Variants in RAB3GAP2 observed in about 807,000 individuals in gnomAD.
RAB3GAP2 encodes RAB3 GTPase activating non-catalytic protein subunit 2, also known as rab3 GTPase-activating protein non-catalytic subunit.
In RAB3GAP2, 87 loss-of-function variants were observed where a neutral mutation model predicts 185.3. That is an observed-to-expected ratio of 0.47 (90% CI 0.39 to 0.56). The LOEUF (loss-of-function observed/expected upper bound fraction) is 0.56, where lower values mean the gene tolerates loss of function less well. Ranked by LOEUF, RAB3GAP2 falls within the 20% of genes least tolerant of loss-of-function variation. The pLI, the probability that RAB3GAP2 is intolerant of heterozygous loss-of-function variation, is 0.00. For missense variants in RAB3GAP2, 1,492 were observed against 1,638.2 expected, an observed-to-expected ratio of 0.91 and a Z score of 1.54; for synonymous variants, 554 against 576.1, an observed-to-expected ratio of 0.96 and a Z score of 0.55.
Position 220,210,280 on chromosome 1 carries a change from C to T in RAB3GAP2, c.612+108G>A. The stretch of plus-strand genomic sequence containing the variant: ...AGACTATGATAGCAGAGCTAACTAA[C>T]TGTGCCACAAGACAAAGATCTCTTT... On this transcript the variant is annotated intron_variant, in intron 7 of 34. Transcript: ENST00000358951. The T allele has an allele frequency of 3.6e-6, 3 of 836,026 alleles. No homozygotes were observed. The Admixed American group carries it at 5.1e-5, about 14-fold the overall frequency. The allele number at this position is 836,026 out of a possible 1,614,324, so 51.8% of individuals were successfully genotyped here.
chr1:220,193,900 C>T (rs1166823967), intron 12 of RAB3GAP2, among the ~76,000 whole-genome samples: 1 of 152,036 alleles, frequency 6.6e-6, no homozygotes, highest in African/African-American at 2.4e-5. Flanking sequence ...TAAAGAAGTA[C>T]TAAAAGAGAA....
At position 220,150,001 on chromosome 1, in the gene RAB3GAP2, T is replaced by A. The variant is rs1399453033; in HGVS notation, c.*1250A>T. The A allele has an allele frequency of 1.3e-5, 2 of 152,120 alleles. No homozygotes were observed. Among genetic ancestry groups the A allele is most frequent in the African/African-American group, 2.4e-5 (1 of 41,418 alleles). 9.4% of individuals were successfully genotyped at this position (152,120 alleles called of 1,614,324 possible). ...AATTGTGATCCATGACAGATACCCA[T>A]AATTACACTGTATGGCTACATTCTA... On this transcript the variant is annotated 3_prime_UTR_variant, in exon 35 of 35. Coordinates refer to ENST00000358951, the MANE Select transcript of RAB3GAP2 (RefSeq NM_012414.4).
chr1:220,221,968 C>T (rs549485950), intron 2 of RAB3GAP2, among the ~76,000 whole-genome samples: 21 of 152,282 alleles, frequency 1.4e-4, no homozygotes, highest in South Asian at 8.3e-4. Context: ...CCATCATTTG[C>T]AATTTATGTT....
At chr1:220,185,563 T>A in intron 18 of RAB3GAP2, 88 bp downstream of exon 18, 2 of 898,510 alleles carry the variant, frequency 2.2e-6, no homozygotes, top group Non-Finnish European at 3.7e-6. Flanking sequence ...AGTAACATGA[T>A]GGTATCACAA....
At chr1:220,250,783 T>C (rs904937324) in intron 1 of RAB3GAP2, among the ~76,000 whole-genome samples, 17 of 152,146 alleles carry the variant, frequency 1.1e-4, no homozygotes, top group African/African-American at 3.9e-4. Context: ...AACTGATGGT[T>C]TTATAAGGGG....
In RAB3GAP2 at chr1:220,210,364, T is replaced by C. The variant is rs1270023192; in HGVS notation, c.612+24A>G. On this transcript the variant is annotated intron_variant, in intron 7 of 34. Transcript: ENST00000358951. The stretch of plus-strand genomic sequence containing the variant: ...CTTCAAAATAATGCCACTGTTACTG[T>C]TGGAACACAATTTTTTACACTACCT... 4 of 1,570,500 alleles carry C rather than the reference T, an allele frequency of 2.5e-6. No individual in the cohort carries two copies. The East Asian group carries it at 9.0e-5, about 35-fold the overall frequency.
intron 8 of RAB3GAP2, among the ~76,000 whole-genome samples, chr1:220,203,870 C>T (rs533226714): frequency 6.1e-4 from 93 of 152,084 alleles, no homozygotes; most frequent in African/African-American, 2.2e-3. Flanking sequence ...CTAACAAAGA[C>T]AGAAAAAAAT....
At chr1:220,198,603 C>T (rs1453112162) in intron 9 of RAB3GAP2, among the ~76,000 whole-genome samples, 3 of 152,096 alleles carry the variant, frequency 2.0e-5, no homozygotes, top group Non-Finnish European at 4.4e-5. Flanking sequence ...CTATATCCTT[C>T]CAAAATATTT....
chr1:220,225,300 AAATT>A (rs570746499), intron 2 of RAB3GAP2, among the ~76,000 whole-genome samples: 18 of 152,196 alleles, frequency 1.2e-4, no homozygotes, highest in Non-Finnish European at 2.5e-4. Flanking sequence ...TACTAAAATT[AAATT>A]AATGATCTTA....
chr1:220,185,356 T>G (rs1373887385), intron 18 of RAB3GAP2, among the ~76,000 whole-genome samples: 4 of 152,152 alleles, frequency 2.6e-5, no homozygotes, highest in Non-Finnish European at 5.9e-5. Flanking sequence ...ACTGATACAC[T>G]GATAGAACAT....
intron 10 of RAB3GAP2, among the ~76,000 whole-genome samples, chr1:220,195,726 A>AAT (rs1021999801): frequency 4.6e-5 from 7 of 152,074 alleles, no homozygotes; most frequent in Admixed American, 3.3e-4. Flanking sequence ...TCTCTCTTTA[A>AAT]ATATATATAT....
At chr1:220,161,095 C>T (rs1657955736) in intron 28 of RAB3GAP2, among the ~76,000 whole-genome samples, 1 of 151,988 alleles carries the variant, frequency 6.6e-6, no homozygotes, top group South Asian at 2.1e-4. Flanking sequence ...TCTCGAAAGA[C>T]GAGGGGGTAA....
Position 220,153,373 on chromosome 1 carries a change from CCTGGACAG to C in RAB3GAP2, c.3671_3678del (p.Ala1224GlyfsTer40). Reference sequence around the variant, plus strand: ...TTGACCTTTGTGGCTGAATGTTGGGCCTGGACAGCTGCACTGACAACTTTCAATAAGAA... The same window carrying C: ...TTGACCTTTGTGGCTGAATGTTGGGCCTGCACTGACAACTTTCAATAAGAA... On this transcript the variant is annotated frameshift_variant, in exon 33 of 35. Transcript: ENST00000358951. LOFTEE classifies it high-confidence loss of function. 1 of 1,614,136 alleles carries C rather than the reference CCTGGACAG, an allele frequency of 6.2e-7. No individual in the cohort carries two copies. Among genetic ancestry groups the C allele is most frequent in the Non-Finnish European group, 8.5e-7 (1 of 1,180,006 alleles).
chr1:220,167,529 T>C lies in RAB3GAP2; in HGVS notation c.2953A>G (p.Met985Val). The C allele has an allele frequency of 6.2e-7, 1 of 1,614,198 alleles. No homozygotes were observed. The highest frequency in any genetic ancestry group is 8.5e-7 in the Non-Finnish European group (1 of 1,180,024). Residue 985 changes from methionine (M) to valine (V), a missense_variant, in exon 25 of 35, where the codon ATG becomes GTG. Around this residue, in one of 5 missense-constraint regions of RAB3GAP2, gnomAD observed 681 missense variants for 689.1 expected, o/e 0.99. Transcript: ENST00000358951. Reference sequence around the variant, plus strand: ...GGTATGGCTCCTAAGTCCATCTCCATCTCTGATACCTCAAGGAAACTTCTG... The same window carrying C: ...GGTATGGCTCCTAAGTCCATCTCCACCTCTGATACCTCAAGGAAACTTCTG... ...VNRSFLEVSE[M>V]EMDLGAIPDL...
intron 24 of RAB3GAP2, 103 bp downstream of exon 24, chr1:220,170,789 C>G: frequency 1.0e-6 from 1 of 953,066 alleles, no homozygotes; most frequent in Non-Finnish European, 1.6e-6. Flanking sequence ...ATTTTTAAAT[C>G]TGAGTGTATT....
intron 1 of RAB3GAP2, among the ~76,000 whole-genome samples, chr1:220,245,039 C>G (rs911069490): frequency 7.2e-5 from 11 of 151,770 alleles, no homozygotes; most frequent in Admixed American, 7.2e-4. Flanking sequence ...AGAAAACCCA[C>G]AGAGTGGGAG....
At chr1:220,213,041 TC>T in intron 3 of RAB3GAP2, 73 bp from the exon 4 acceptor site, 1 of 1,163,666 alleles carries the variant, frequency 8.6e-7, no homozygotes, top group Non-Finnish European at 1.2e-6. Flanking sequence ...TAAATTTTGC[TC>T]TTTCCCCTTA....
In RAB3GAP2 at chr1:220,220,228, T is replaced by C. The variant is rs1209403295; in HGVS notation, c.181-6249A>G. 3 of 152,246 alleles carry C rather than the reference T, an allele frequency of 2.0e-5. No homozygotes were observed. In the East Asian group the frequency reaches 5.8e-4, roughly 29 times the overall value. 9.4% of individuals were successfully genotyped at this position (152,246 alleles called of 1,614,324 possible). On this transcript the variant is annotated intron_variant, in intron 2 of 34. Coordinates refer to ENST00000358951, the MANE Select transcript of RAB3GAP2 (RefSeq NM_012414.4). Reference sequence around the variant, plus strand: ...CCTGCAGTCTCCCCCATCATCGTCGTTGTGGTGGCTGCGCTAAGCTCCATG... The same window carrying C: ...CCTGCAGTCTCCCCCATCATCGTCGCTGTGGTGGCTGCGCTAAGCTCCATG...
chr1:220,162,090 T>G (rs1657972950), intron 28 of RAB3GAP2, 108 bp downstream of exon 28: 1 of 888,930 alleles, frequency 1.1e-6, no homozygotes, highest in Non-Finnish European at 1.8e-6. Context: ...AAAATCTAAT[T>G]ATCAAATTAA....
Sources: allele counts gnomAD v4.1 joint callset (sites outside exome capture counted in the v4.1 genomes callset), GRCh38; gene constraint gnomAD v4.1.1; regional missense constraint gnomAD v4.1.1; transcripts MANE v1.5; gene names NCBI Gene and HGNC (gene_info 2026-07-23, HGNC 2026-07-21).